DLG4: variants seen among roughly 807,000 people sequenced by gnomAD.
The protein encoded by DLG4 is disks large homolog 4.
DLG4 carries 7 observed loss-of-function variants against 93.8 expected under a neutral mutation model. The ratio of observed to expected loss-of-function variants is 0.07; its 90% confidence interval spans 0.04 to 0.14. The LOEUF (loss-of-function observed/expected upper bound fraction) is 0.14, where lower values mean the gene tolerates loss of function less well. Among genes scored for constraint, DLG4 ranks in the 10% least tolerant of loss-of-function variants. The pLI is 1.00. For synonymous variants in DLG4, 341 were observed against 387.6 expected (o/e 0.88, Z 1.41); for missense variants, 545 against 992.9 (o/e 0.55, Z 6.06).
chr17:7,218,601 G>A (rs769810773), upstream of DLG4: 21 of 1,566,420 alleles, frequency 1.3e-5, no homozygotes, highest in Non-Finnish European at 1.6e-5. Context: ...GCCCACCGCA[G>A]CAGTGGGGGT....
chr17:7,218,852 CTCTCT>C (rs770041313), upstream of DLG4: 1 of 1,613,742 alleles, frequency 6.2e-7, no homozygotes, highest in East Asian at 2.2e-5. Context: ...TGGGACATCT[CTCTCT>C]TCTCTCACTT....
upstream of DLG4, chr17:7,217,700 CCTT>C: frequency 6.5e-7 from 1 of 1,532,650 alleles, no homozygotes; most frequent in Non-Finnish European, 8.7e-7. Flanking sequence ...AGAGTTAACT[CCTT>C]CTGTGCTGGC....
At chr17:7,207,704 C>T (rs1009124227) in intron 2 of DLG4, among the ~76,000 whole-genome samples, 3 of 151,868 alleles carry the variant, frequency 2.0e-5, no homozygotes, top group South Asian at 2.1e-4. Context: ...ATACAGCACA[C>T]GCACAGGCAC....
chr17:7,216,677 C>T (rs577438789), intron 1 of DLG4, among the ~76,000 whole-genome samples: 1 of 152,148 alleles, frequency 6.6e-6, no homozygotes, highest in East Asian at 1.9e-4. Context: ...CAACCAATAA[C>T]CTTTACCCCA....
Position 7,194,582 on chromosome 17 carries a change from T to C in DLG4, c.1302-87A>G, listed in dbSNP as rs1430385369. The C allele has an allele frequency of 1.4e-6, 2 of 1,420,166 alleles. No homozygotes were observed. The highest frequency in any genetic ancestry group is 2.5e-5 in the East Asian group (1 of 40,160). The allele number at this position is 1,420,166 out of a possible 1,614,324, so 88.0% of individuals were successfully genotyped here. A position where few individuals can be genotyped will look rare whatever the true frequency, so the allele number is the denominator to read the frequency against. On this transcript the variant is annotated intron_variant, in intron 11 of 19. Transcript: ENST00000399506. This position sits in a 1 kb window ranked among gnomAD's most constrained non-coding sequence, Gnocchi z 4.4. ...CACCCAAAGACCCGGCCCAGAGGTC[T>C]GCAGATGGCACTCCCATGGGAGCTA...
chr17:7,192,030 G>A, intron 17 of DLG4, 28 bp from the exon 18 acceptor site: 1 of 1,291,420 alleles, frequency 7.7e-7, no homozygotes, highest in Non-Finnish European at 1.0e-6. Flanking sequence ...GGGCGGAGGG[G>A]GGCCAGCGGG....
Position 7,213,465 on chromosome 17 carries a change from C to T in DLG4, c.30+3653G>A, listed in dbSNP as rs925782871. Among the ~76,000 whole-genome samples the T allele has an allele frequency of 2.6e-5, 4 of 152,072 alleles. No individual in the cohort carries two copies. The South Asian group carries it at 8.3e-4, about 32-fold the overall frequency. ...ACCCTTTTCTGTCTGCCCAGAACAT[C>T]CCCTCCACGATTCTGAATTCCAACT... On this transcript the variant is annotated intron_variant, in intron 1 of 19. Coordinates refer to ENST00000399506, the MANE Select transcript of DLG4 (RefSeq NM_001321075.3).
At position 7,208,165 on chromosome 17, in the gene DLG4, G is replaced by T. The variant is rs1403589544; in HGVS notation, c.96+9C>A. 1 of 1,317,174 alleles carries T rather than the reference G, an allele frequency of 7.6e-7. No individual in the cohort carries two copies. Among genetic ancestry groups the T allele is most frequent in the East Asian group, 2.8e-5 (1 of 35,684 alleles). 81.6% of individuals were successfully genotyped at this position (1,317,174 alleles called of 1,614,324 possible). ...TCTCCGCCACGTGCACCAGCTCGGG[G>T]GCGTTTACCTGGTTGGGGAGGTGGG... On this transcript the variant is annotated intron_variant, in intron 2 of 19. Transcript: ENST00000399506. The surrounding 1 kb of genome is among the most constrained non-coding windows in gnomAD (Gnocchi z 5.4).
At position 7,196,282 on chromosome 17, in the gene DLG4, G is replaced by A. The variant is rs1272952883; in HGVS notation, c.1239C>T (p.Asn413=). The A allele has an allele frequency of 6.2e-7, 1 of 1,613,904 alleles. No homozygotes were observed. The highest frequency in any genetic ancestry group is 8.5e-7 in the Non-Finnish European group (1 of 1,179,900). The change falls in exon 11 of 20, where the codon AAC becomes AAT. Residue 413 remains asparagine (N), a synonymous_variant. Transcript: ENST00000399506. The surrounding 1 kb of genome is among the most constrained non-coding windows in gnomAD (Gnocchi z 8.3). ...ACGCAGTCCCTGAGCCCAGGCTGCTGTTCATGAGCTGTTCCCGAAGGTCGT... is the reference window on the plus strand; with the variant it reads ...ACGCAGTCCCTGAGCCCAGGCTGCTATTCATGAGCTGTTCCCGAAGGTCGT... ...KIHDLREQLM[N]SSLGSGTASL... is the part of the protein sequence containing the mutation.
rs2586537 is a variant in DLG4 at position 7,192,141 on chromosome 17, C to T, written c.1867-139G>A. On this transcript the variant is annotated intron_variant, in intron 17 of 19. Transcript: ENST00000399506. ...GGAGTGACATGGATGTCAAGAAACACGGGGGCAGAGAGTCAGGCAGGAAGC... is the reference window on the plus strand; with the variant it reads ...GGAGTGACATGGATGTCAAGAAACATGGGGGCAGAGAGTCAGGCAGGAAGC... The T allele has an allele frequency of 1.9e-5, 9 of 478,962 alleles. No individual in the cohort carries two copies. The South Asian group carries it at 2.0e-4, about 10-fold the overall frequency. 29.7% of individuals were successfully genotyped at this position (478,962 alleles called of 1,614,324 possible).
At chr17:7,219,322 G>T, upstream of DLG4, 1 of 893,006 alleles carries the variant, frequency 1.1e-6, no homozygotes, top group Non-Finnish European at 1.4e-6. Context: ...GGAAGGAACA[G>T]AGGGCAAAGA....
In DLG4 at chr17:7,196,588, C is replaced by T. The variant is rs116722448; in HGVS notation, c.1084-13G>A. The T allele has an allele frequency of 2.3e-5, 37 of 1,613,690 alleles. No homozygotes were observed. In the African/African-American group the frequency reaches 3.3e-4, roughly 15 times the overall value. On this transcript the variant is annotated splice_polypyrimidine_tract_variant and intron_variant, in intron 9 of 19. Coordinates refer to ENST00000399506, the MANE Select transcript of DLG4 (RefSeq NM_001321075.3). This position sits in a 1 kb window ranked among gnomAD's most constrained non-coding sequence, Gnocchi z 8.3. ...CCACACCGTTGACCTAGAGAGAGGA[C>T]GACAGGCTGTGTCACCAGAGACAGG...
Position 7,196,780 on chromosome 17 carries a change from G to A in DLG4, c.1060C>T (p.Arg354Trp), listed in dbSNP as rs756881928. 2 of 1,609,428 alleles carry A rather than the reference G, an allele frequency of 1.2e-6. No homozygotes were observed. The highest frequency in any genetic ancestry group is 1.7e-6 in the Non-Finnish European group (2 of 1,177,942). ...GGPADLSGEL[R>W]KGDQILSVNG... ...ACCGACAGGATCTGGTCCCCCTTCC[G>A]CAGCTCCCCACTGAGGTCTGCAGGG... Residue 354 changes from arginine (R) to tryptophan (W), a missense_variant, in exon 9 of 20, where the codon CGG becomes TGG. Coordinates refer to ENST00000399506, the MANE Select transcript of DLG4 (RefSeq NM_001321075.3). This position sits in a 1 kb window ranked among gnomAD's most constrained non-coding sequence, Gnocchi z 8.3.
At chr17:7,215,598 G>A (rs2070876004) in intron 1 of DLG4, among the ~76,000 whole-genome samples, 1 of 152,154 alleles carries the variant, frequency 6.6e-6, no homozygotes, top group Admixed American at 6.5e-5. Context: ...CAGGGGATGT[G>A]GGGAAGAGGC....
intron 2 of DLG4, among the ~76,000 whole-genome samples, chr17:7,206,547 AG>A (rs933096476): frequency 2.0e-5 from 3 of 152,020 alleles, no homozygotes; most frequent in African/African-American, 7.3e-5. Context: ...CCCCCTGCTC[AG>A]GGATTTAATG....
chr17:7,219,643 C>T (rs1309140523), upstream of DLG4: 7 of 1,257,872 alleles, frequency 5.6e-6, no homozygotes, highest in East Asian at 2.4e-4. Flanking sequence ...AGAAGCCCTC[C>T]CTTCAGTCCA....
Position 7,203,155 on chromosome 17 carries a change from A to C in DLG4, c.642+38T>G. On this transcript the variant is annotated intron_variant, in intron 7 of 19. Coordinates refer to ENST00000399506, the MANE Select transcript of DLG4 (RefSeq NM_001321075.3). This position sits in a 1 kb window ranked among gnomAD's most constrained non-coding sequence, Gnocchi z 7.2. ...CTGCCAGGGCTAGTAGGTGAGACCC[A>C]AATCTGGGCTAGAAAATGGGCTAGA... 1 of 1,572,302 alleles carries C rather than the reference A, an allele frequency of 6.4e-7. No homozygotes were observed. The highest frequency in any genetic ancestry group is 8.7e-7 in the Non-Finnish European group (1 of 1,151,112).
Position 7,191,719 on chromosome 17 carries a change from G to A in DLG4, c.1976+174C>T. The A allele has an allele frequency of 1.8e-6, 1 of 568,444 alleles. No individual in the cohort carries two copies. The highest frequency in any genetic ancestry group is 3.2e-6 in the Non-Finnish European group (1 of 315,878). The allele number at this position is 568,444 out of a possible 1,614,324, so 35.2% of individuals were successfully genotyped here. On this transcript the variant is annotated intron_variant, in intron 18 of 19. Transcript: ENST00000399506. The surrounding 1 kb of genome is among the most constrained non-coding windows in gnomAD (Gnocchi z 6.6). ...GTAGTCCTGTCTAGCCAAGGCAGGA[G>A]AGGAGGGGAAAGACCCGATTCCCCC...
intron 1 of DLG4, among the ~76,000 whole-genome samples, chr17:7,215,853 A>C (rs1271126610): frequency 1.7e-5 from 2 of 118,334 alleles, no homozygotes; most frequent in Non-Finnish European, 3.5e-5. Flanking sequence ...CCTGTGACTC[A>C]CCCGGACCCC....
Sources: gnomAD v4.1 joint callset for allele counts (sites outside exome capture counted in the v4.1 genomes callset) on GRCh38, gnomAD v4.1.1 for gene constraint, Gnocchi (gnomAD v3.1) non-coding constraint, MANE v1.5 for transcripts, NCBI Gene and HGNC (gene_info 2026-07-23, HGNC 2026-07-21) for gene names.